SYT14: variants seen among roughly 807,000 people sequenced by gnomAD.
SYT14 encodes synaptotagmin 14.
A neutral mutation model predicts 74.2 loss-of-function variants in SYT14; 32 were observed. That is an observed-to-expected ratio of 0.43 (90% confidence interval 0.33 to 0.58). The LOEUF is 0.58. SYT14 is among the 20% of genes least tolerant of loss of function. The pLI is 0.05. For missense variants in SYT14, 791 were observed against 981.8 expected (o/e 0.81, Z 2.60); for synonymous variants, 298 against 337.7 (o/e 0.88, Z 1.29).
intron 5 of SYT14, among the ~76,000 whole-genome samples, chr1:210,082,151 TG>T (rs2081628386): frequency 6.6e-6 from 1 of 152,140 alleles, no homozygotes; most frequent in Non-Finnish European, 1.5e-5. Flanking sequence ...TTGGAATATG[TG>T]GGGTTAAATT....
intron 5 of SYT14, among the ~76,000 whole-genome samples, chr1:210,072,826 G>T: frequency 6.6e-6 from 1 of 151,568 alleles, no homozygotes; most frequent in East Asian, 1.9e-4. Context: ...AATTCTTATT[G>T]TTCAGGTATA....
intron 7 of SYT14, among the ~76,000 whole-genome samples, chr1:210,102,606 T>C (rs1343285916): frequency 6.6e-6 from 1 of 152,210 alleles, no homozygotes; most frequent in Non-Finnish European, 1.5e-5. Context: ...AGTTTGGCTC[T>C]AATTTTTGTA....
chr1:210,089,965 T>A (rs1342477216), intron 5 of SYT14, among the ~76,000 whole-genome samples: 1 of 152,236 alleles, frequency 6.6e-6, no homozygotes, highest in Non-Finnish European at 1.5e-5. Flanking sequence ...GTTACTTGGC[T>A]ACATCCTATG....
At chr1:210,063,653 T>C (rs1194869680) in intron 5 of SYT14, among the ~76,000 whole-genome samples, 2 of 151,908 alleles carry the variant, frequency 1.3e-5, no homozygotes, top group Non-Finnish European at 2.9e-5. Flanking sequence ...TTCTTATGTT[T>C]TTATCCATCA....
chr1:210,015,860 A>C, exon 4 of SYT14: 1 of 1,220,558 alleles, frequency 8.2e-7, no homozygotes, highest in Non-Finnish European at 1.0e-6. Flanking sequence ...TTACAGAAAG[A>C]TTAAAAGCTA....
chr1:209,965,243 T>A (rs2079136727), intron 2 of SYT14, among the ~76,000 whole-genome samples: 1 of 152,152 alleles, frequency 6.6e-6, no homozygotes, highest in African/African-American at 2.4e-5. Context: ...CTTTCTCTTC[T>A]CTTTTAGAGT....
exon 10 of SYT14, chr1:210,162,458 T>C: frequency 2.8e-6 from 1 of 354,844 alleles, no homozygotes; most frequent in South Asian, 2.2e-5. Context: ...TAAGCTGTTT[T>C]CTTTTTAATT....
chr1:209,950,968 A>G (rs2078902661), intron 1 of SYT14, among the ~76,000 whole-genome samples: 1 of 152,228 alleles, frequency 6.6e-6, no homozygotes, highest in South Asian at 2.1e-4. Flanking sequence ...ATATGTCTAC[A>G]TGGTAGTAAC....
intron 7 of SYT14, among the ~76,000 whole-genome samples, chr1:210,101,527 A>T: frequency 6.6e-6 from 1 of 152,112 alleles, no homozygotes; most frequent in East Asian, 1.9e-4. Flanking sequence ...TGATGATGTA[A>T]ATATAGTATA....
At chr1:209,938,273 T>G in exon 1 of SYT14, 1 of 1,561,408 alleles carries the variant, frequency 6.4e-7, no homozygotes, top group Non-Finnish European at 8.7e-7. Context: ...TCATGGCGAT[T>G]GAAGGTAAGT....
chr1:209,985,232 C>G (rs1661172251), intron 2 of SYT14, among the ~76,000 whole-genome samples: 1 of 152,190 alleles, frequency 6.6e-6, no homozygotes, highest in Admixed American at 6.5e-5. Context: ...TATTTACTCC[C>G]AAGATACAGT....
chr1:210,022,307 TAATA>T (rs2080320280), intron 5 of SYT14, among the ~76,000 whole-genome samples: 1 of 152,212 alleles, frequency 6.6e-6, no homozygotes, highest in Non-Finnish European at 1.5e-5. Context: ...ACAGATATAA[TAATA>T]AATTAATCAA....
At chr1:210,139,562 TCA>T (rs896660409) in intron 7 of SYT14, among the ~76,000 whole-genome samples, 1 of 152,176 alleles carries the variant, frequency 6.6e-6, no homozygotes, top group African/African-American at 2.4e-5. Flanking sequence ...TTTAGAATAT[TCA>T]CATAGTTGTG....
chr1:210,018,637 G>T (rs1442930296), intron 4 of SYT14, among the ~76,000 whole-genome samples: 1 of 152,114 alleles, frequency 6.6e-6, no homozygotes, highest in African/African-American at 2.4e-5. Context: ...TTTTAAATTT[G>T]TTTTCATTAA....
intron 7 of SYT14, among the ~76,000 whole-genome samples, chr1:210,120,988 A>G (rs567815683): frequency 6.6e-6 from 1 of 152,290 alleles, no homozygotes; most frequent in African/African-American, 2.4e-5. Context: ...GACCAAGTTT[A>G]TGTTTGCATT....
chr1:210,100,704 C>T (rs1271358751), intron 7 of SYT14, among the ~76,000 whole-genome samples: 1 of 152,042 alleles, frequency 6.6e-6, no homozygotes, highest in Non-Finnish European at 1.5e-5. Flanking sequence ...AGTTTTGGCC[C>T]AGGGTTTTAC....
At chr1:210,119,781 A>G (rs186908028) in intron 7 of SYT14, among the ~76,000 whole-genome samples, 1 of 152,306 alleles carries the variant, frequency 6.6e-6, no homozygotes, top group East Asian at 1.9e-4. Context: ...GATTATGCAA[A>G]GATGTTCTGG....
chr1:209,943,385 G>C (rs2078767832), intron 1 of SYT14, among the ~76,000 whole-genome samples: 1 of 151,780 alleles, frequency 6.6e-6, no homozygotes, highest in Admixed American at 6.6e-5. Flanking sequence ...CATACCTGTA[G>C]TCCCAGCTAC....
rs1220352011 is a variant in SYT14 at position 209,970,668 on chromosome 1, T to A, written c.-486+17912T>A. 5.1e-3 allele frequency among the ~76,000 whole-genome samples: 112 copies of A among 21,964 alleles called. 1 individual carries two copies. Among genetic ancestry groups the A allele is most frequent in the African/African-American group, 0.028 (107 of 3,774 alleles). The allele number at this position is 21,964 out of a possible 152,430, so 14.4% of individuals were successfully genotyped here. The stretch of plus-strand genomic sequence containing the variant: ...ATTGCTTTGGGCAGTATGGCTTTTT[T>A]TTTTTTTTTTTTTTTTTTTTTTTTT... On this transcript the variant is annotated intron_variant, in intron 2 of 9. Coordinates refer to ENST00000637265, the Ensembl canonical transcript of SYT14.
Sources: allele counts gnomAD v4.1 joint callset (sites outside exome capture counted in the v4.1 genomes callset), GRCh38; gene constraint gnomAD v4.1.1; transcripts MANE v1.5; gene names NCBI Gene and HGNC (gene_info 2026-07-23, HGNC 2026-07-21).